Variants in OPLAH observed in about 807,000 individuals in gnomAD.
The protein encoded by OPLAH is 5-oxoprolinase.
In OPLAH, 103 loss-of-function variants were observed where a neutral mutation model predicts 122.8. That is an observed-to-expected ratio of 0.84 (90% CI 0.71 to 0.99). OPLAH has a LOEUF of 0.99. OPLAH is among the 50% of genes least tolerant of loss of function. The pLI, the probability that OPLAH is intolerant of heterozygous loss-of-function variation, is 0.00. For missense variants in OPLAH, 1,902 were observed against 1,836.5 expected, an observed-to-expected ratio of 1.04 and a Z score of -0.65; for synonymous variants, 875 against 796.0, an observed-to-expected ratio of 1.10 and a Z score of -1.67.
At position 144,052,172 on chromosome 8, in the gene OPLAH, C is replaced by A; in HGVS notation, c.3458G>T (p.Ser1153Ile). Reference sequence around the variant, plus strand: ...AGCCTCCGCGCACGCCGCTCACCGGCTCTCCAGGATCTCAGGGTCGGTGAT... The same window carrying A: ...AGCCTCCGCGCACGCCGCTCACCGGATCTCCAGGATCTCAGGGTCGGTGAT... ...TRITDPEILE[S>I]RYPVILRRFE... is the part of the protein sequence containing the mutation. Residue 1153 changes from serine (S) to isoleucine (I), a missense_variant, in exon 24 of 27, where the codon AGC becomes ATC. Around this residue, in one of 3 missense-constraint regions of OPLAH, gnomAD observed 1,726 missense variants for 1,642.1 expected, o/e 1.05. Coordinates refer to ENST00000618853, the MANE Select transcript of OPLAH (RefSeq NM_017570.5). The A allele has an allele frequency of 6.4e-7, 1 of 1,568,106 alleles. No homozygotes were observed.
chr8:144,057,488 G>A lies in OPLAH; in HGVS notation c.1382C>T (p.Ala461Val). 2 of 1,596,026 alleles carry A rather than the reference G, an allele frequency of 1.3e-6. No individual in the cohort carries two copies. Among genetic ancestry groups the A allele is most frequent in the Non-Finnish European group, 1.7e-6 (2 of 1,171,926 alleles). Residue 461 changes from alanine to valine, a missense_variant, in exon 10 of 27, where the codon GCC becomes GTC. This residue lies in a region of OPLAH where 1,726 missense variants were observed against 1,642.1 expected (regional missense o/e 1.05). Coordinates refer to ENST00000618853, the MANE Select transcript of OPLAH (RefSeq NM_017570.5). ...GATGGGCCGGCACATGGCCTCGTTG[G>A]CCACGCGCACGAACCCCATGGCCAC... ...EEVAMGFVRV[A>V]NEAMCRPIRA...
At position 144,053,361 on chromosome 8, in the gene OPLAH, C is replaced by T. The variant is rs782298710; in HGVS notation, c.2719G>A (p.Val907Ile). 35 of 1,612,348 alleles carry T rather than the reference C, an allele frequency of 2.2e-5. No homozygotes were observed. The Admixed American group carries it at 5.7e-4, about 26-fold the overall frequency. Residue 907 changes from valine to isoleucine, a missense_variant, in exon 20 of 27, where the codon GTC becomes ATC. By Grantham distance (29) the Val-to-Ile change is conservative (BLOSUM62 3). Coordinates refer to ENST00000618853, the MANE Select transcript of OPLAH (RefSeq NM_017570.5). ...TTTCTGGTTCCGCTGCAGTTGGGGA[C>T]CTTGCCTGGCGCCCGCAGGGCCTCC... ...VTEALRAPGK[V>I]PNCSGTRNLH...
downstream of OPLAH, chr8:144,050,930 C>T (rs1554757510): frequency 9.8e-7 from 1 of 1,020,460 alleles, no homozygotes; most frequent in Non-Finnish European, 1.2e-6. Context: ...GATGACACCG[C>T]CCCCCTACCA....
rs1337542353 is a variant in OPLAH at position 144,060,666 on chromosome 8, C to G, written c.-67G>C. Reference sequence around the variant, plus strand: ...CGCAGGCCCCACCTGGCGCTCGGCTCCGGCTCGGTCGCTCGCGGTCGGCTC... The same window carrying G: ...CGCAGGCCCCACCTGGCGCTCGGCTGCGGCTCGGTCGCTCGCGGTCGGCTC... On this transcript the variant is annotated 5_prime_UTR_variant, in exon 1 of 27. Coordinates refer to ENST00000618853, the MANE Select transcript of OPLAH (RefSeq NM_017570.5). 2 of 152,054 alleles carry G rather than the reference C, an allele frequency of 1.3e-5. No homozygotes were observed. The highest frequency in any genetic ancestry group is 6.6e-5 in the Admixed American group (1 of 15,262). The allele number at this position is 152,054 out of a possible 1,614,324, so 9.4% of individuals were successfully genotyped here.
chr8:144,057,529 C>T lies in OPLAH; in HGVS notation c.1341G>A (p.Pro447=), dbSNP rs1554759611. The T allele has an allele frequency of 5.6e-6, 9 of 1,595,582 alleles. No homozygotes were observed. The highest frequency in any genetic ancestry group is 2.3e-5 in the South Asian group (2 of 88,408). The change falls in exon 10 of 27, where the codon CCG becomes CCA. Residue 447 remains proline (P), a synonymous_variant. Coordinates refer to ENST00000618853, the MANE Select transcript of OPLAH (RefSeq NM_017570.5). ...FLTNGPCPAS[P]LSLEEVAMGF... ...CCATGGCCACCTCCTCCAGGCTCAGCGGGGAGGCCGGGCAGGGCCCGTTGG... is the reference window on the plus strand; with the variant it reads ...CCATGGCCACCTCCTCCAGGCTCAGTGGGGAGGCCGGGCAGGGCCCGTTGG...
rs782716446 is a variant in OPLAH at position 144,053,111 on chromosome 8, C to G, written c.2890G>C (p.Val964Leu). 6.2e-7 allele frequency: 1 copy of G among 1,606,556 alleles called. No individual in the cohort carries two copies. Among genetic ancestry groups the G allele is most frequent in the Non-Finnish European group, 8.5e-7 (1 of 1,177,274 alleles). The part of the protein sequence containing the change: ...GHIQANAELA[V>L]RDMLRAFGTS... Reference sequence around the variant, plus strand: ...CCAAAGGCACGCAACATGTCTCGCACGGCCAGCTCAGCGTTTGCCTGGCAG... The same window carrying G: ...CCAAAGGCACGCAACATGTCTCGCAGGGCCAGCTCAGCGTTTGCCTGGCAG... The change falls in exon 21 of 27, where the codon GTG becomes CTG. Residue 964 changes from valine (V) to leucine (L), a missense_variant. By Grantham distance (32) the Val-to-Leu change is conservative (BLOSUM62 1). Coordinates refer to ENST00000618853, the MANE Select transcript of OPLAH (RefSeq NM_017570.5).
chr8:144,053,111 C>T lies in OPLAH; in HGVS notation c.2890G>A (p.Val964Met), dbSNP rs782716446. 5.0e-6 allele frequency: 8 copies of T among 1,606,674 alleles called. No individual in the cohort carries two copies. Among genetic ancestry groups the T allele is most frequent in the East Asian group, 2.2e-5 (1 of 44,458 alleles). The change falls in exon 21 of 27, where the codon GTG becomes ATG. Residue 964 changes from valine to methionine, a missense_variant. Physicochemically the swap from Val to Met is conservative, Grantham distance 21. This residue lies in a region of OPLAH where 1,726 missense variants were observed against 1,642.1 expected (regional missense o/e 1.05). Coordinates refer to ENST00000618853, the MANE Select transcript of OPLAH (RefSeq NM_017570.5). ...GHIQANAELA[V>M]RDMLRAFGTS... ...CCAAAGGCACGCAACATGTCTCGCA[C>T]GGCCAGCTCAGCGTTTGCCTGGCAG...
Position 144,055,233 on chromosome 8 carries a change from C to T in OPLAH, c.2249-44G>A. 8 of 1,486,542 alleles carry T rather than the reference C, an allele frequency of 5.4e-6. No individual in the cohort carries two copies. The highest frequency in any genetic ancestry group is 2.4e-5 in the East Asian group (1 of 42,194). 92.1% of individuals were successfully genotyped at this position (1,486,542 alleles called of 1,614,324 possible). On this transcript the variant is annotated intron_variant, in intron 16 of 26. Transcript: ENST00000618853. The surrounding 1 kb of genome is among the most constrained non-coding windows in gnomAD (Gnocchi z 6.5). ...CAGGCCCGCTGGCCCCACCCACCCA[C>T]AGCCTGGCCCCAGGAAAGGGAGGAA...
downstream of OPLAH, chr8:144,050,433 C>T: frequency 1.0e-6 from 1 of 985,626 alleles, no homozygotes; most frequent in African/African-American, 1.7e-5. Flanking sequence ...TCCTGGGCGA[C>T]CTAAACTTCG....
intron 23 of OPLAH, 29 bp from the exon 24 acceptor site, chr8:144,052,355 G>A: frequency 1.3e-6 from 2 of 1,511,200 alleles, no homozygotes; most frequent in Non-Finnish European, 1.8e-6. Flanking sequence ...CGCTGCGCTG[G>A]GCTGGGGCAG....
chr8:144,050,783 C>G, downstream of OPLAH: 1 of 986,692 alleles, frequency 1.0e-6, no homozygotes, highest in South Asian at 4.7e-5. Context: ...CGCCCTCCCC[C>G]GGATCCCCCA....
At position 144,051,762 on chromosome 8, in the gene OPLAH, C is replaced by T; in HGVS notation, c.3687G>A (p.Leu1229=). 6.2e-7 allele frequency: 1 copy of T among 1,607,454 alleles called. No homozygotes were observed. The highest frequency in any genetic ancestry group is 8.5e-7 in the Non-Finnish European group (1 of 1,178,488). Residue 1229 remains leucine, a synonymous_variant, in exon 26 of 27, where the codon CTG becomes CTA. Coordinates refer to ENST00000618853, the MANE Select transcript of OPLAH (RefSeq NM_017570.5). ...LIRKNGRTVN[L]GGKTSVTVYP... Reference sequence around the variant, plus strand: ...ACACGGTCACCGACGTCTTGCCGCCCAGATTCACCGTCCGGCCGTTTTTGC... The same window carrying T: ...ACACGGTCACCGACGTCTTGCCGCCTAGATTCACCGTCCGGCCGTTTTTGC...
At position 144,058,516 on chromosome 8, in the gene OPLAH, C is replaced by T. The variant is rs1554760023; in HGVS notation, c.763G>A (p.Gly255Ser). Residue 255 changes from glycine to serine, a missense_variant, in exon 6 of 27, where the codon GGC becomes AGC. Physicochemically the swap from Gly to Ser is moderately conservative, Grantham distance 56 (BLOSUM62 0). Transcript: ENST00000618853. ...CTCACCTTGAGTTGGCCCTGGAAGC[C>T]ACGGCAGAAGCCCTGCACGTAGCGC... ...IQRYVQGFCR[G>S]FQGQLKDVQV... is the part of the protein sequence containing the mutation. The T allele has an allele frequency of 6.3e-7, 1 of 1,585,994 alleles. No individual in the cohort carries two copies. The highest frequency in any genetic ancestry group is 2.2e-5 in the East Asian group (1 of 44,606).
In OPLAH at chr8:144,055,688, G is replaced by A; in HGVS notation, c.2248+100C>T. The A allele has an allele frequency of 7.4e-7, 1 of 1,354,490 alleles. No individual in the cohort carries two copies. Among genetic ancestry groups the A allele is most frequent in the East Asian group, 2.8e-5 (1 of 36,070 alleles). 83.9% of individuals were successfully genotyped at this position (1,354,490 alleles called of 1,614,324 possible). A position where few individuals can be genotyped will look rare whatever the true frequency, so the allele number is the denominator to read the frequency against. ...CCACACTGCCCGCCCCGTCGCCAGG[G>A]GGTCCTGCTTCTGCCTCTCCCTTTG... is the stretch of plus-strand genomic sequence containing the variant. On this transcript the variant is annotated intron_variant, in intron 16 of 26. Coordinates refer to ENST00000618853, the MANE Select transcript of OPLAH (RefSeq NM_017570.5). This position sits in a 1 kb window ranked among gnomAD's most constrained non-coding sequence, Gnocchi z 6.5.
In OPLAH at chr8:144,058,089, T is replaced by A; in HGVS notation, c.1009A>T (p.Thr337Ser). ...GEFEHVFEAS[T>S]AGVTLQAPQL... ...GGGGCCTGGAGGGTGACGCCAGCTG[T>A]GCTGGCCTCGAAGACGTGCTCGAAT... Residue 337 changes from threonine (T) to serine (S), a missense_variant, in exon 8 of 27, where the codon ACA becomes TCA. Around this residue, in one of 3 missense-constraint regions of OPLAH, gnomAD observed 1,726 missense variants for 1,642.1 expected, o/e 1.05. Coordinates refer to ENST00000618853, the MANE Select transcript of OPLAH (RefSeq NM_017570.5). The A allele has an allele frequency of 1.2e-6, 2 of 1,612,482 alleles. No homozygotes were observed. Among genetic ancestry groups the A allele is most frequent in the Non-Finnish European group, 1.7e-6 (2 of 1,179,808 alleles).
chr8:144,052,315 G>A lies in OPLAH; in HGVS notation c.3315C>T (p.Asn1105=), dbSNP rs1835401266. 6.5e-7 allele frequency: 1 copy of A among 1,526,822 alleles called. No individual in the cohort carries two copies. Among genetic ancestry groups the A allele is most frequent in the Non-Finnish European group, 8.8e-7 (1 of 1,141,358 alleles). 94.6% of individuals were successfully genotyped at this position (1,526,822 alleles called of 1,614,324 possible). ...TGTGGGCGTTGCCCAGGGTCACGTT[G>A]TTCATGCAGCCCTGGTGAGGGCACC... ...GACAASQGCM[N]NVTLGNAHMG... is the part of the protein sequence containing the mutation. The change falls in exon 24 of 27, where the codon AAC becomes AAT. Residue 1105 remains asparagine, a synonymous_variant. Transcript: ENST00000618853.
rs782444891 is a variant in OPLAH at position 144,059,556 on chromosome 8, G to T, written c.363+43C>A. On this transcript the variant is annotated intron_variant, in intron 3 of 26. Coordinates refer to ENST00000618853, the MANE Select transcript of OPLAH (RefSeq NM_017570.5). Reference sequence around the variant, plus strand: ...CACAGGGTCAAGGCATCCCTGGGGGGTGTACACCACACAGCCTGGTCCCCA... The same window carrying T: ...CACAGGGTCAAGGCATCCCTGGGGGTTGTACACCACACAGCCTGGTCCCCA... 1.0e-5 allele frequency: 16 copies of T among 1,560,304 alleles called. No homozygotes were observed. In the South Asian group the frequency reaches 1.7e-4, roughly 16 times the overall value.
Position 144,051,955 on chromosome 8 carries a change from G to A in OPLAH, c.3583C>T (p.Leu1195=). 1 of 1,562,276 alleles carries A rather than the reference G, an allele frequency of 6.4e-7. No individual in the cohort carries two copies. Among genetic ancestry groups the A allele is most frequent in the Non-Finnish European group, 8.6e-7 (1 of 1,162,764 alleles). Residue 1195 remains leucine, a synonymous_variant, in exon 25 of 27, where the codon CTG becomes TTG. Coordinates refer to ENST00000618853, the MANE Select transcript of OPLAH (RefSeq NM_017570.5). Reference sequence around the variant, plus strand: ...GGCCGGAAGGCGCGGCGCTCGGTCAGCACTGACAGCAGCGCCTCCTCACGA... The same window carrying A: ...GGCCGGAAGGCGCGGCGCTCGGTCAACACTGACAGCAGCGCCTCCTCACGA... ...LFREEALLSV[L]TERRAFRPYG... is the part of the protein sequence containing the mutation.
Position 144,056,626 on chromosome 8 carries a change from AAAGGCTGCCCCG to A in OPLAH, c.1824_1835del (p.Gly609_Phe612del). The A allele has an allele frequency of 6.2e-7, 1 of 1,612,148 alleles. No homozygotes were observed. Among genetic ancestry groups the A allele is most frequent in the Non-Finnish European group, 8.5e-7 (1 of 1,179,724 alleles). On this transcript the variant is annotated inframe_deletion, in exon 13 of 27. Coordinates refer to ENST00000618853, the MANE Select transcript of OPLAH (RefSeq NM_017570.5). ...GTCAGGAAGCCACGTACCGCTCCAC[AAAGGCTGCCCCG>A]AAGTCCCCCGCACGGGGCGAGCGGG... is the stretch of plus-strand genomic sequence containing the variant.
Sources: allele counts gnomAD v4.1 joint callset, GRCh38; gene constraint gnomAD v4.1.1; regional missense constraint gnomAD v4.1.1; non-coding constraint Gnocchi (gnomAD v3.1); transcripts MANE v1.5; gene names NCBI Gene and HGNC (gene_info 2026-07-23, HGNC 2026-07-21).